Variants in RGS12 observed in about 807,000 individuals in gnomAD.
RGS12 encodes regulator of G protein signaling 12.
A neutral mutation model predicts 120.1 loss-of-function variants in RGS12; 66 were observed. That is an observed-to-expected ratio of 0.55 (90% CI 0.45 to 0.67). The LOEUF is 0.67. Among genes scored for constraint, RGS12 ranks in the 30% least tolerant of loss-of-function variants. RGS12 has a pLI of 0.00. For synonymous variants in RGS12, 827 were observed against 804.7 expected (o/e 1.03, Z -0.47); for missense variants, 1,859 against 1,957.7 (o/e 0.95, Z 0.95).
chr4:3,318,060 G>A lies in RGS12; in HGVS notation c.1881+9G>A, dbSNP rs762585915. On this transcript the variant is annotated intron_variant, in intron 2 of 17. Coordinates refer to ENST00000336727, the MANE Select transcript of RGS12 (RefSeq NM_001394154.1). The stretch of plus-strand genomic sequence containing the variant: ...CTAAGGAAGATAAAAAGGTAAGCCT[G>A]CCAGGAGCCACTCAGCGCGGAGGCC... 2.0e-6 allele frequency: 3 copies of A among 1,517,376 alleles called. No individual in the cohort carries two copies. Among genetic ancestry groups the A allele is most frequent in the Admixed American group, 3.5e-5 (2 of 56,532 alleles). 94.0% of individuals were successfully genotyped at this position (1,517,376 alleles called of 1,614,324 possible). A position where few individuals can be genotyped will look rare whatever the true frequency, so the allele number is the denominator to read the frequency against.
chr4:3,396,341 G>A (rs115019205), intron 4 of RGS12, among the ~76,000 whole-genome samples: 4,036 of 152,278 alleles, frequency 0.027, 118 homozygotes, highest in East Asian at 0.11. Context: ...TTAGGGTAAT[G>A]CTTATGTCCC....
chr4:3,360,798 C>G (rs1560112843), intron 3 of RGS12, among the ~76,000 whole-genome samples: 1 of 152,178 alleles, frequency 6.6e-6, no homozygotes, highest in Non-Finnish European at 1.5e-5. Flanking sequence ...GGCTAACCCA[C>G]AAAGGCCGAC....
At chr4:3,415,178 T>G (rs1453770324) in intron 6 of RGS12, among the ~76,000 whole-genome samples, 4 of 115,098 alleles carry the variant, frequency 3.5e-5, no homozygotes, top group South Asian at 3.2e-4. Flanking sequence ...GCGTGTGTGA[T>G]AGGGCCGCGT....
At chr4:3,307,409 G>A (rs989214971) in intron 1 of RGS12, among the ~76,000 whole-genome samples, 7 of 152,332 alleles carry the variant, frequency 4.6e-5, no homozygotes, top group Non-Finnish European at 8.8e-5. Flanking sequence ...GTAGATTTTC[G>A]TAAAACTAGG....
At chr4:3,292,726 C>T (rs921652485), upstream of RGS12, among the ~76,000 whole-genome samples, 55 of 152,348 alleles carry the variant, frequency 3.6e-4, no homozygotes, top group African/African-American at 1.3e-3. Flanking sequence ...GCACCAGGGC[C>T]GGGCCAGTGC....
intron 1 of RGS12, among the ~76,000 whole-genome samples, chr4:3,300,870 T>C (rs544811022): frequency 6.6e-6 from 1 of 152,332 alleles, no homozygotes; most frequent in Non-Finnish European, 1.5e-5. Context: ...AACATAATCC[T>C]TTTCCAAATA....
chr4:3,391,100 A>G (rs1719447320), intron 4 of RGS12, among the ~76,000 whole-genome samples: 2 of 152,246 alleles, frequency 1.3e-5, no homozygotes, highest in South Asian at 2.1e-4. Flanking sequence ...GTAATGCGCT[A>G]TTGTGGGAGT....
At chr4:3,288,750 C>T (rs934678205), upstream of RGS12, among the ~76,000 whole-genome samples, 3 of 152,182 alleles carry the variant, frequency 2.0e-5, no homozygotes, top group East Asian at 1.9e-4. The surrounding 1 kb of genome is among the most constrained non-coding windows in gnomAD (Gnocchi z 5.2). Context: ...ATCCGGTCCC[C>T]GTGAAGGGAC....
At chr4:3,334,082 A>G (rs1712183134) in intron 2 of RGS12, among the ~76,000 whole-genome samples, 2 of 152,306 alleles carry the variant, frequency 1.3e-5, no homozygotes, top group South Asian at 4.1e-4. Context: ...AAATGCTTCA[A>G]CCTGAGGAAG....
At chr4:3,432,340 T>C in intron 17 of RGS12, 1 of 283,458 alleles carries the variant, frequency 3.5e-6, no homozygotes, top group Non-Finnish European at 5.3e-6. Flanking sequence ...ACAAAACTCT[T>C]GAGCACCTGG....
At chr4:3,347,301 G>A (rs1248713821) in intron 3 of RGS12, among the ~76,000 whole-genome samples, 4 of 152,064 alleles carry the variant, frequency 2.6e-5, no homozygotes, top group African/African-American at 4.8e-5. Flanking sequence ...AAAATTAGCC[G>A]GGCGTGGTGG....
chr4:3,324,396 T>C, intron 2 of RGS12: 1 of 215,322 alleles, frequency 4.6e-6, no homozygotes, highest in South Asian at 6.3e-5. Context: ...AGTGGGGATG[T>C]CCCCTGTGCC....
intron 16 of RGS12, among the ~76,000 whole-genome samples, chr4:3,429,903 G>A (rs545992164): frequency 6.6e-6 from 1 of 152,256 alleles, no homozygotes; most frequent in South Asian, 2.1e-4. Flanking sequence ...CCCCTTCCCA[G>A]ACCACCCGTC....
chr4:3,317,762 G>T lies in RGS12; in HGVS notation c.1592G>T (p.Cys531Phe). ...PSKRGTVGAG[C>F]GFNQRWLPVH... ...AAGAGGGGCACCGTGGGTGCTGGCT[G>T]TGGTTTCAACCAGCGCTGGCTCCCG... The change falls in exon 2 of 18, where the codon TGT becomes TTT. Residue 531 changes from cysteine (C) to phenylalanine (F), a missense_variant. Physicochemically the swap from Cys to Phe is radical, Grantham distance 205. Transcript: ENST00000336727. 2 of 1,613,586 alleles carry T rather than the reference G, an allele frequency of 1.2e-6. No homozygotes were observed. Among genetic ancestry groups the T allele is most frequent in the Non-Finnish European group, 1.7e-6 (2 of 1,180,012 alleles).
chr4:3,408,918 G>A (rs56192584), intron 4 of RGS12, among the ~76,000 whole-genome samples: 24,141 of 152,206 alleles, frequency 0.16, 2,286 homozygotes, highest in South Asian at 0.27. Flanking sequence ...TGTGTGAAGG[G>A]GGCGTGGCTC....
At chr4:3,293,436 G>C (rs1401458700) in intron 1 of RGS12, among the ~76,000 whole-genome samples, 2 of 146,006 alleles carry the variant, frequency 1.4e-5, no homozygotes, top group African/African-American at 5.2e-5. Flanking sequence ...CGGGACCCGC[G>C]GGGGCGGCGC....
intron 3 of RGS12, among the ~76,000 whole-genome samples, chr4:3,377,612 T>C (rs894933102): frequency 6.6e-6 from 1 of 152,258 alleles, no homozygotes; most frequent in Non-Finnish European, 1.5e-5. Context: ...ATTCCTTTTG[T>C]CTAGTGTTAC....
chr4:3,333,690 G>A (rs576600164), intron 2 of RGS12, among the ~76,000 whole-genome samples: 1 of 152,200 alleles, frequency 6.6e-6, no homozygotes, highest in African/African-American at 2.4e-5. Context: ...TTCCTTCCTA[G>A]TCAGTATCCC....
chr4:3,370,983 A>G (rs1716920620), intron 3 of RGS12, among the ~76,000 whole-genome samples: 1 of 152,228 alleles, frequency 6.6e-6, no homozygotes, highest in Non-Finnish European at 1.5e-5. Context: ...TTTCGAATTC[A>G]TTCTTTTCTG....
Sources: allele counts gnomAD v4.1 joint callset (sites outside exome capture counted in the v4.1 genomes callset), GRCh38; gene constraint gnomAD v4.1.1; non-coding constraint Gnocchi (gnomAD v3.1); transcripts MANE v1.5; gene names NCBI Gene and HGNC (gene_info 2026-07-23, HGNC 2026-07-21).